ETV5: variants seen among roughly 807,000 people sequenced by gnomAD.
The protein encoded by ETV5 is ETS translocation variant 5.
A neutral mutation model predicts 70.0 loss-of-function variants in ETV5; 10 were observed. The observed-to-expected ratio is 0.14, with a 90% CI of 0.09 to 0.24. ETV5 has a LOEUF of 0.24. Ranked by LOEUF, ETV5 falls within the 10% of genes least tolerant of loss-of-function variation. The pLI, the probability that ETV5 is intolerant of heterozygous loss-of-function variation, is 1.00. For synonymous variants in ETV5, 216 were observed against 242.2 expected (o/e 0.89, Z 1.01); for missense variants, 453 against 651.2 (o/e 0.70, Z 3.31).
At chr3:186,064,968 GGACCT>G in intron 8 of ETV5, among the ~76,000 whole-genome samples, 1 of 152,236 alleles carries the variant, frequency 6.6e-6, no homozygotes, top group East Asian at 1.9e-4. Context: ...AGGGATTAGG[GGACCT>G]GAAGTTAGGA....
chr3:186,092,282 A>G (rs548847426), intron 5 of ETV5, among the ~76,000 whole-genome samples: 16 of 152,338 alleles, frequency 1.1e-4, no homozygotes, highest in Admixed American at 1.0e-3. Context: ...AAAGAACTGA[A>G]CCAACTTTGA....
At position 186,057,228 on chromosome 3, in the gene ETV5, C is replaced by T. The variant is rs1481306971; in HGVS notation, c.1056G>A (p.Glu352=). 6.2e-7 allele frequency: 1 copy of T among 1,614,156 alleles called. No homozygotes were observed. The highest frequency in any genetic ancestry group is 1.7e-5 in the Admixed American group (1 of 60,018). Residue 352 remains glutamate, a synonymous_variant, in exon 11 of 13, where the codon GAG becomes GAA. Transcript: ENST00000306376. The surrounding 1 kb of genome is among the most constrained non-coding windows in gnomAD (Gnocchi z 4.9). ...PERLEGKVKQ[E]PTMYREGPPY... ...GGGGCCCCTCTCGATACATGGTAGG[C>T]TCCTGTTTGACTTTGCCTGTTTGGG...
chr3:186,106,792 A>G (rs1714598882), intron 1 of ETV5, among the ~76,000 whole-genome samples: 1 of 152,074 alleles, frequency 6.6e-6, no homozygotes. Flanking sequence ...GAGTCTGGGG[A>G]AAAAGGGTGG....
intron 5 of ETV5, among the ~76,000 whole-genome samples, chr3:186,094,400 T>C (rs529642285): frequency 6.6e-6 from 1 of 152,334 alleles, no homozygotes; most frequent in Admixed American, 6.5e-5. Flanking sequence ...ACCTCTGTTA[T>C]CAAATAAGGA....
chr3:186,107,805 C>A (rs1714626428), intron 1 of ETV5, among the ~76,000 whole-genome samples: 1 of 152,062 alleles, frequency 6.6e-6, no homozygotes, highest in Non-Finnish European at 1.5e-5. Flanking sequence ...CAGGTAGAGG[C>A]TGTAACTGGA....
chr3:186,070,431 T>G (rs367985685), intron 7 of ETV5, among the ~76,000 whole-genome samples: 2 of 152,222 alleles, frequency 1.3e-5, no homozygotes, highest in Admixed American at 6.5e-5. Context: ...ACATGGGCAC[T>G]AGCCAGCAAC....
At chr3:186,091,757 G>C (rs1714187861) in intron 5 of ETV5, among the ~76,000 whole-genome samples, 1 of 152,174 alleles carries the variant, frequency 6.6e-6, no homozygotes, top group Admixed American at 6.5e-5. Flanking sequence ...TCATGACATG[G>C]ACTATGGGAA....
At chr3:186,065,639 G>A (rs907053855) in intron 8 of ETV5, among the ~76,000 whole-genome samples, 174 bp downstream of exon 8, 24 of 152,072 alleles carry the variant, frequency 1.6e-4, no homozygotes, top group Non-Finnish European at 2.9e-4. Context: ...ATTCCATTGC[G>A]CATAAACATG....
At position 186,057,068 on chromosome 3, in the gene ETV5, T is replaced by G. The variant is rs747800413; in HGVS notation, c.1209+7A>C. 14 of 1,613,850 alleles carry G rather than the reference T, an allele frequency of 8.7e-6. No homozygotes were observed. In the Admixed American group the frequency reaches 1.0e-4, roughly 12 times the overall value. On this transcript the variant is annotated splice_region_variant and intron_variant, in intron 11 of 12. Transcript: ENST00000306376. This position sits in a 1 kb window ranked among gnomAD's most constrained non-coding sequence, Gnocchi z 4.9. ...AAACCCGTCTGAGTCCAGCATCCAGTGCATACCTCTTCCGGTTCTATCAGC... is the reference window on the plus strand; with the variant it reads ...AAACCCGTCTGAGTCCAGCATCCAGGGCATACCTCTTCCGGTTCTATCAGC...
intron 11 of ETV5, 98 bp downstream of exon 11, chr3:186,056,977 G>C: frequency 7.2e-7 from 1 of 1,388,434 alleles, no homozygotes. Flanking sequence ...AGAAGCAAGA[G>C]CAGACTTGAC....
chr3:186,101,292 G>A (rs987484638), intron 5 of ETV5, among the ~76,000 whole-genome samples: 6 of 151,996 alleles, frequency 3.9e-5, no homozygotes, highest in African/African-American at 1.4e-4. Context: ...TTTTGTTTTC[G>A]TTTTTTAGAG....
At chr3:186,064,379 A>C in intron 9 of ETV5, 38 bp downstream of exon 9, 2 of 1,563,320 alleles carry the variant, frequency 1.3e-6, no homozygotes, top group Non-Finnish European at 1.8e-6. Context: ...AAAGGAGAGG[A>C]GAGAGGAGAG....
chr3:186,079,824 C>T lies in ETV5; in HGVS notation c.643G>A (p.Glu215Lys). Residue 215 changes from glutamate to lysine, a missense_variant, in exon 7 of 13, where the codon GAA (glutamate) becomes AAA (lysine). Glu to Lys is a moderately conservative substitution (Grantham distance 56). Coordinates refer to ENST00000306376, the MANE Select transcript of ETV5 (RefSeq NM_004454.3). ...KMMPENQYPS[E>K]QRFQRQLSEP... Reference sequence around the variant, plus strand: ...GCCCAGATCAACACCCACCTCTGTTCTGATGGATACTGGTTTTCAGGCATC... The same window carrying T: ...GCCCAGATCAACACCCACCTCTGTTTTGATGGATACTGGTTTTCAGGCATC... 3.1e-6 allele frequency: 5 copies of T among 1,606,050 alleles called. No homozygotes were observed. The highest frequency in any genetic ancestry group is 4.2e-6 in the Non-Finnish European group (5 of 1,176,688).
intron 5 of ETV5, among the ~76,000 whole-genome samples, chr3:186,096,957 C>T (rs1417211940): frequency 6.6e-6 from 1 of 152,110 alleles, no homozygotes; most frequent in African/African-American, 2.4e-5. Flanking sequence ...TGCTTGAGGC[C>T]ATGAGTTTCA....
At chr3:186,103,848 G>A (rs2108445893) in intron 5 of ETV5, among the ~76,000 whole-genome samples, 1 of 152,304 alleles carries the variant, frequency 6.6e-6, no homozygotes, top group South Asian at 2.1e-4. Context: ...CAGTTTCATG[G>A]CATTGTGCCT....
rs932795868 is a variant in ETV5 at position 186,046,704 on chromosome 3, G to A, written c.*1935C>T. 9 of 229,936 alleles carry A rather than the reference G, an allele frequency of 3.9e-5. No individual in the cohort carries two copies. Among genetic ancestry groups the A allele is most frequent in the Admixed American group, 1.7e-4 (3 of 17,580 alleles). 14.2% of individuals were successfully genotyped at this position (229,936 alleles called of 1,614,324 possible). On this transcript the variant is annotated 3_prime_UTR_variant, in exon 13 of 13. Coordinates refer to ENST00000306376, the MANE Select transcript of ETV5 (RefSeq NM_004454.3). ...AAAAAAAAAATCCAAACCAGGGTAA[G>A]TAAAGAAAGGAAAACCAAATCTATA...
At chr3:186,062,627 CAAA>C (rs1216691651) in intron 9 of ETV5, among the ~76,000 whole-genome samples, 1 of 151,948 alleles carries the variant, frequency 6.6e-6, no homozygotes. Flanking sequence ...CTCAAAAAGA[CAAA>C]ACAAAACCAA....
chr3:186,103,973 A>C (rs1714527092), intron 5 of ETV5, among the ~76,000 whole-genome samples: 1 of 152,242 alleles, frequency 6.6e-6, no homozygotes, highest in African/African-American at 2.4e-5. Context: ...CTCTCTCTCC[A>C]GTGGCATTTT....
At chr3:186,088,640 A>T (rs1714112469) in intron 5 of ETV5, among the ~76,000 whole-genome samples, 1 of 152,216 alleles carries the variant, frequency 6.6e-6, no homozygotes, top group Non-Finnish European at 1.5e-5. Context: ...AAGAAGGTAG[A>T]GGAAAAGATG....
Sources: gnomAD v4.1 joint callset for allele counts (sites outside exome capture counted in the v4.1 genomes callset) on GRCh38, gnomAD v4.1.1 for gene constraint, Gnocchi (gnomAD v3.1) non-coding constraint, MANE v1.5 for transcripts, NCBI Gene and HGNC (gene_info 2026-07-23, HGNC 2026-07-21) for gene names.